RTN4: variants seen among roughly 807,000 people sequenced by gnomAD.
RTN4 encodes the protein reticulon-4.
A neutral mutation model predicts 90.4 loss-of-function variants in RTN4; 32 were observed. The observed-to-expected ratio is 0.35, with a 90% CI of 0.27 to 0.48. The LOEUF (loss-of-function observed/expected upper bound fraction) is 0.48, where lower values mean the gene tolerates loss of function less well. Ranked by LOEUF, RTN4 falls within the 20% of genes least tolerant of loss-of-function variation. The pLI, the probability that RTN4 is intolerant of heterozygous loss-of-function variation, is 0.99. For synonymous variants in RTN4, 629 were observed against 552.5 expected, an observed-to-expected ratio of 1.14 and a Z score of -1.94; for missense variants, 1,706 against 1,430.2, an observed-to-expected ratio of 1.19 and a Z score of -3.11.
At chr2:55,132,244 T>C in the RTN4 span, among the ~76,000 whole-genome samples, 16 of 152,218 alleles carry the variant, frequency 1.1e-4, no homozygotes, top group Non-Finnish European at 2.1e-4. Context: ...GGCTCATGCT[T>C]GCAATCCCAG....
At position 55,034,496 on chromosome 2, in the gene RTN4, T is replaced by C. The variant is rs74753821; in HGVS notation, c.557-6276A>G. Among the ~76,000 whole-genome samples, 765 of 152,278 alleles carry C rather than the reference T, an allele frequency of 5.0e-3. 5 individuals carry two copies. Among genetic ancestry groups the C allele is most frequent in the African/African-American group, 0.015 (604 of 41,548 alleles). ...CAGCCTGGGCAACAGAGTAAGACCT[T>C]ATCTCTAAACGAACAAACAAAATAT... On this transcript the variant is annotated intron_variant, in intron 1 of 8. Coordinates refer to ENST00000337526, the MANE Select transcript of RTN4 (RefSeq NM_020532.5).
intron 3 of RTN4, among the ~76,000 whole-genome samples, chr2:55,004,336 A>G (rs1680054473): frequency 6.6e-6 from 1 of 152,198 alleles, no homozygotes; most frequent in East Asian, 1.9e-4. Flanking sequence ...TTCAAGTGCA[A>G]ATATAAATTA....
At chr2:55,037,361 G>C (rs1488935043) in intron 1 of RTN4, among the ~76,000 whole-genome samples, 1 of 152,114 alleles carries the variant, frequency 6.6e-6, no homozygotes, top group Non-Finnish European at 1.5e-5. Context: ...AAAAACATTT[G>C]TATTGTGAAC....
chr2:55,067,322 T>A (rs1668412468), intron 2 of RTN4, among the ~76,000 whole-genome samples: 1 of 151,938 alleles, frequency 6.6e-6, no homozygotes, highest in African/African-American at 2.4e-5. Flanking sequence ...CAAAGCACCA[T>A]CGAAATGGAG....
At chr2:55,020,640 T>C (rs1437228400) in intron 3 of RTN4, among the ~76,000 whole-genome samples, 1 of 152,176 alleles carries the variant, frequency 6.6e-6, no homozygotes, top group Non-Finnish European at 1.5e-5. Context: ...CACAATACCT[T>C]ATTCATCTCT....
At chr2:55,131,404 T>C in the RTN4 span, among the ~76,000 whole-genome samples, 1 of 56,112 alleles carries the variant, frequency 1.8e-5, no homozygotes, top group Non-Finnish European at 3.3e-5. Flanking sequence ...AGATGGGGTT[T>C]TGCCATGTTG....
intron 3 of RTN4, among the ~76,000 whole-genome samples, chr2:55,022,048 C>T (rs555476501): frequency 6.6e-6 from 1 of 152,168 alleles, no homozygotes; most frequent in East Asian, 1.9e-4. Context: ...GCAATGCCCC[C>T]TTTTCTTCCC....
At chr2:55,035,068 G>A (rs1573441709) in intron 1 of RTN4, among the ~76,000 whole-genome samples, 1 of 151,970 alleles carries the variant, frequency 6.6e-6, no homozygotes, top group African/African-American at 2.4e-5. Flanking sequence ...AGAAACAAAA[G>A]AAGAAAATCA....
chr2:55,111,676 T>C (rs1668040183), intron 1 of RTN4, among the ~76,000 whole-genome samples: 2 of 150,608 alleles, frequency 1.3e-5, no homozygotes, highest in Non-Finnish European at 2.9e-5. Flanking sequence ...GGGTCTCCAC[T>C]GGCTAGTTTG....
chr2:54,975,453 G>T (rs1159386187), intron 5 of RTN4, among the ~76,000 whole-genome samples: 2 of 150,590 alleles, frequency 1.3e-5, no homozygotes, highest in African/African-American at 4.8e-5. Flanking sequence ...ATGAAAAGGG[G>T]AGTAGTAGAG....
At chr2:54,996,595 C>T in intron 3 of RTN4, among the ~76,000 whole-genome samples, 1 of 152,180 alleles carries the variant, frequency 6.6e-6, no homozygotes, top group East Asian at 1.9e-4. Context: ...AAAAAACAGT[C>T]TTTTAAACAA....
chr2:55,066,840 C>T (rs1183812525), intron 2 of RTN4, among the ~76,000 whole-genome samples: 1 of 152,036 alleles, frequency 6.6e-6, no homozygotes, highest in Non-Finnish European at 1.5e-5. Flanking sequence ...GAATATTGGC[C>T]ATTTCATATA....
At chr2:55,046,685 G>C (rs183728928) in intron 1 of RTN4, 161 of 152,320 alleles carry the variant, frequency 1.1e-3, no homozygotes, top group African/African-American at 3.8e-3. Context: ...GCTTAGAATA[G>C]ATCCTGTCTC....
At chr2:55,035,014 G>A (rs1411485240) in intron 1 of RTN4, among the ~76,000 whole-genome samples, 1 of 152,026 alleles carries the variant, frequency 6.6e-6, no homozygotes, top group Non-Finnish European at 1.5e-5. Flanking sequence ...CCCAACAGAG[G>A]AGATAAATCT....
At chr2:55,069,869 C>T (rs934475732) in intron 2 of RTN4, among the ~76,000 whole-genome samples, 1 of 152,170 alleles carries the variant, frequency 6.6e-6, no homozygotes, top group Non-Finnish European at 1.5e-5. Context: ...AACACAGGTA[C>T]ATGAATTAAG....
At chr2:55,133,491 T>G in the RTN4 span, among the ~76,000 whole-genome samples, 2 of 152,354 alleles carry the variant, frequency 1.3e-5, no homozygotes, top group Middle Eastern at 3.4e-3. Context: ...TGTGTATTTC[T>G]TGTAACCTCC....
intron 3 of RTN4, among the ~76,000 whole-genome samples, chr2:55,020,078 C>T (rs186016366): frequency 3.2e-4 from 49 of 152,170 alleles, no homozygotes; most frequent in Admixed American, 2.0e-3. Context: ...GAAAGACATT[C>T]CATGTTCATG....
chr2:54,993,212 C>T (rs1679165193), intron 3 of RTN4, among the ~76,000 whole-genome samples: 1 of 152,068 alleles, frequency 6.6e-6, no homozygotes, highest in Non-Finnish European at 1.5e-5. Flanking sequence ...TTTTCTGTGC[C>T]ATCTGAAATG....
intron 3 of RTN4, among the ~76,000 whole-genome samples, chr2:55,023,856 T>C (rs1681626360): frequency 6.6e-6 from 1 of 152,108 alleles, no homozygotes; most frequent in Non-Finnish European, 1.5e-5. Context: ...CTTGCAATCC[T>C]TAACTGACCT....
Sources: allele counts gnomAD v4.1 joint callset (sites outside exome capture counted in the v4.1 genomes callset), GRCh38; gene constraint gnomAD v4.1.1; transcripts MANE v1.5; gene names NCBI Gene and HGNC (gene_info 2026-07-23, HGNC 2026-07-21).